The following CPD variants were observed in gnomAD, a reference collection of about 807,000 sequenced individuals.
CPD encodes the protein carboxypeptidase D.
In CPD, 69 loss-of-function variants were observed where a neutral mutation model predicts 138.3. That is an observed-to-expected ratio of 0.50 (90% CI 0.41 to 0.61). The LOEUF is 0.61. Among genes scored for constraint, CPD ranks in the 20% least tolerant of loss-of-function variants. The pLI is 0.00. For synonymous variants in CPD, 651 were observed against 642.1 expected (o/e 1.01, Z -0.21); for missense variants, 1,432 against 1,733.3 (o/e 0.83, Z 3.09).
intron 2 of CPD, among the ~76,000 whole-genome samples, chr17:30,388,566 A>T (rs1225173821): frequency 6.6e-6 from 1 of 152,172 alleles, no homozygotes; most frequent in Non-Finnish European, 1.5e-5. Context: ...ATAGGAGCAG[A>T]CGCAAGAATG....
At chr17:30,426,163 G>A (rs1182744508) in intron 6 of CPD, among the ~76,000 whole-genome samples, 1 of 144,356 alleles carries the variant, frequency 6.9e-6, no homozygotes, top group Non-Finnish European at 1.5e-5. Flanking sequence ...TTGTGCCATT[G>A]CACTCCAGCC....
chr17:30,402,596 C>T (rs1597712280), intron 2 of CPD, among the ~76,000 whole-genome samples: 1 of 152,180 alleles, frequency 6.6e-6, no homozygotes, highest in South Asian at 2.1e-4. Flanking sequence ...AAACGAAAAC[C>T]TTAATTCCTT....
intron 2 of CPD, among the ~76,000 whole-genome samples, chr17:30,411,050 C>A (rs1034073576): frequency 6.6e-6 from 1 of 152,122 alleles, no homozygotes; most frequent in African/African-American, 2.4e-5. Flanking sequence ...TAAGGCAGGT[C>A]TGGTGGTGAC....
intron 10 of CPD, among the ~76,000 whole-genome samples, chr17:30,443,354 A>G (rs1026460924): frequency 7.9e-5 from 12 of 152,174 alleles, no homozygotes; most frequent in Non-Finnish European, 1.6e-4. Flanking sequence ...TTATATTTAA[A>G]TGTCCATATT....
In CPD at chr17:30,378,951, C is replaced by G; in HGVS notation, c.-30C>G. The G allele has an allele frequency of 1.4e-6, 2 of 1,431,186 alleles. No individual in the cohort carries two copies. Among genetic ancestry groups the G allele is most frequent in the South Asian group, 1.5e-5 (1 of 67,476 alleles). 88.7% of individuals were successfully genotyped at this position (1,431,186 alleles called of 1,614,324 possible). A position where few individuals can be genotyped will look rare whatever the true frequency, so the allele number is the denominator to read the frequency against. On this transcript the variant is annotated 5_prime_UTR_variant, in exon 1 of 21. Transcript: ENST00000225719. ...CGCCCGGAGCGCTGAGCCGCGGGAGCGGAGCCGGGGTTAGCGGCGCTGCTG... is the reference window on the plus strand; with the variant it reads ...CGCCCGGAGCGCTGAGCCGCGGGAGGGGAGCCGGGGTTAGCGGCGCTGCTG...
In CPD at chr17:30,469,397, TCA is replaced by T. The variant is rs974349127; in HGVS notation, c.*4584_*4585del. 2 of 152,210 alleles carry T rather than the reference TCA, an allele frequency of 1.3e-5. No homozygotes were observed. Among genetic ancestry groups the T allele is most frequent in the Non-Finnish European group, 2.9e-5 (2 of 68,034 alleles). The allele number at this position is 152,210 out of a possible 1,614,324, so 9.4% of individuals were successfully genotyped here. On this transcript the variant is annotated 3_prime_UTR_variant, in exon 21 of 21. Transcript: ENST00000225719. ...CAAGTTTCTTGACATTCTCTGAGCC[TCA>T]GTTTCTCTACTGGTTGAATAATCCT...
At chr17:30,446,116 G>A (rs1036262797) in intron 12 of CPD, 96 bp downstream of exon 12, 1 of 866,148 alleles carries the variant, frequency 1.2e-6, no homozygotes. Flanking sequence ...GAAATATTTG[G>A]GAACAGAATG....
In CPD at chr17:30,393,198, A is replaced by G. The variant is rs77709769; in HGVS notation, c.994+7962A>G. ...ATCAACTCCTTTTATCATGCAGACA[A>G]CTATTCTTTCCCCAAACTGGAGGTC... On this transcript the variant is annotated intron_variant, in intron 2 of 20. Transcript: ENST00000225719. Among the ~76,000 whole-genome samples, 133 of 152,338 alleles carry G rather than the reference A, an allele frequency of 8.7e-4. 1 individual carries two copies. The highest frequency in any genetic ancestry group is 2.9e-3 in the African/African-American group (122 of 41,584).
chr17:30,407,031 T>C (rs916175920), intron 2 of CPD, among the ~76,000 whole-genome samples: 2 of 152,182 alleles, frequency 1.3e-5, no homozygotes, highest in Non-Finnish European at 2.9e-5. Context: ...GTTCTCATTG[T>C]TCAATTCCCA....
At position 30,379,115 on chromosome 17, in the gene CPD, C is replaced by A; in HGVS notation, c.135C>A (p.Ser45Arg). 6.5e-7 allele frequency: 1 copy of A among 1,543,366 alleles called. No individual in the cohort carries two copies. Among genetic ancestry groups the A allele is most frequent in the African/African-American group, 1.4e-5 (1 of 70,964 alleles). ...CGGAGGCGACTACCACAACTACGAG[C>A]GCGGGCGCCGAGGCGGCCGAGGGCC... ...KKAEATTTTT[S>R]AGAEAAEGQF... The change falls in exon 1 of 21, where the codon AGC (serine) becomes AGA (arginine). Residue 45 changes from serine (S) to arginine (R), a missense_variant. Ser to Arg is a moderately radical substitution (Grantham distance 110). Coordinates refer to ENST00000225719, the MANE Select transcript of CPD (RefSeq NM_001304.5). The surrounding 1 kb of genome is among the most constrained non-coding windows in gnomAD (Gnocchi z 7.0).
In CPD at chr17:30,467,687, GTT is replaced by G. The variant is rs1913680406; in HGVS notation, c.*2875_*2876del. 1 of 152,196 alleles carries G rather than the reference GTT, an allele frequency of 6.6e-6. No individual in the cohort carries two copies. Among genetic ancestry groups the G allele is most frequent in the Non-Finnish European group, 1.5e-5 (1 of 68,014 alleles). The allele number at this position is 152,196 out of a possible 1,614,324, so 9.4% of individuals were successfully genotyped here. ...AGTTGACAAATAAATAAAAGGTAGT[GTT>G]TATGTCTGAGCTTATTGTGTTTGAG... On this transcript the variant is annotated 3_prime_UTR_variant, in exon 21 of 21. Transcript: ENST00000225719.
intron 2 of CPD, among the ~76,000 whole-genome samples, chr17:30,398,785 C>G (rs1014677650): frequency 6.6e-6 from 1 of 151,258 alleles, no homozygotes; most frequent in South Asian, 2.1e-4. Flanking sequence ...CTTAATGTCC[C>G]CATTTGGTTC....
intron 8 of CPD, among the ~76,000 whole-genome samples, chr17:30,436,472 G>C (rs1912702095): frequency 6.6e-6 from 1 of 152,116 alleles, no homozygotes; most frequent in South Asian, 2.1e-4. Flanking sequence ...GGATCTGAAT[G>C]GACATTTCTC....
chr17:30,395,714 A>T (rs1225841216), intron 2 of CPD, among the ~76,000 whole-genome samples: 2 of 132,266 alleles, frequency 1.5e-5, no homozygotes, highest in South Asian at 2.5e-4. Context: ...AGAGAATGGG[A>T]GAGTACATTT....
chr17:30,427,133 G>C (rs1912436067), intron 6 of CPD, among the ~76,000 whole-genome samples: 1 of 150,672 alleles, frequency 6.6e-6, no homozygotes, highest in South Asian at 2.1e-4. Context: ...AGTGAGCTGA[G>C]ATTGCGCCAC....
At chr17:30,396,144 C>G (rs980847542) in intron 2 of CPD, among the ~76,000 whole-genome samples, 9 of 152,030 alleles carry the variant, frequency 5.9e-5, no homozygotes, top group African/African-American at 2.2e-4. Context: ...AAAAATTGTT[C>G]AGGAAATTCA....
intron 12 of CPD, 30 bp downstream of exon 12, chr17:30,446,050 T>G (rs754627440): frequency 7.9e-6 from 12 of 1,510,362 alleles, no homozygotes; most frequent in Non-Finnish European, 9.9e-6. Context: ...GTCTTTTTTT[T>G]TTTTTCAAGA....
At chr17:30,428,396 CATTCAG>C (rs1912477775) in intron 7 of CPD, among the ~76,000 whole-genome samples, 1 of 152,176 alleles carries the variant, frequency 6.6e-6, no homozygotes, top group South Asian at 2.1e-4. Flanking sequence ...CATGAACGTT[CATTCAG>C]GATTATTCAC....
chr17:30,415,447 G>A (rs1275782440), intron 2 of CPD, among the ~76,000 whole-genome samples: 1 of 151,966 alleles, frequency 6.6e-6, no homozygotes, highest in Non-Finnish European at 1.5e-5. Flanking sequence ...GAGTGAAAAG[G>A]CAGCCTACAG....
Sources: allele counts gnomAD v4.1 joint callset (sites outside exome capture counted in the v4.1 genomes callset), GRCh38; gene constraint gnomAD v4.1.1; non-coding constraint Gnocchi (gnomAD v3.1); transcripts MANE v1.5; gene names NCBI Gene and HGNC (gene_info 2026-07-23, HGNC 2026-07-21).